The following ROBO2 variants were observed in gnomAD, a reference collection of about 807,000 sequenced individuals.
ROBO2 encodes the protein roundabout guidance receptor 2.
ROBO2 carries 53 observed loss-of-function variants against 160.8 expected under a neutral mutation model. The ratio of observed to expected loss-of-function variants is 0.33; its 90% CI spans 0.26 to 0.41. The LOEUF (loss-of-function observed/expected upper bound fraction) is 0.41, where lower values mean the gene tolerates loss of function less well. Among genes scored for constraint, ROBO2 ranks in the 10% least tolerant of loss-of-function variants. The pLI, the probability that ROBO2 is intolerant of heterozygous loss-of-function variation, is 1.00. For synonymous variants in ROBO2, 664 were observed against 611.7 expected, an observed-to-expected ratio of 1.09 and a Z score of -1.26; for missense variants, 1,577 against 1,722.4, an observed-to-expected ratio of 0.92 and a Z score of 1.49.
intron 2 of ROBO2, among the ~76,000 whole-genome samples, chr3:76,589,527 A>T (rs543778040): frequency 6.6e-6 from 1 of 152,154 alleles, no homozygotes; most frequent in Non-Finnish European, 1.5e-5. Flanking sequence ...ACTTCGGAGC[A>T]TTGTGTTGCA....
intron 2 of ROBO2, among the ~76,000 whole-genome samples, chr3:77,004,180 T>C (rs1000043583): frequency 6.6e-6 from 1 of 152,186 alleles, no homozygotes; most frequent in Non-Finnish European, 1.5e-5. Flanking sequence ...AACAGAAATA[T>C]TTTGTTGTCC....
At chr3:77,277,841 C>G (rs910708888) in intron 2 of ROBO2, among the ~76,000 whole-genome samples, 5 of 152,064 alleles carry the variant, frequency 3.3e-5, no homozygotes, top group African/African-American at 1.2e-4. Flanking sequence ...CCGGGTCAAA[C>G]AGGATTGTCT....
intron 2 of ROBO2, among the ~76,000 whole-genome samples, chr3:76,302,989 C>T (rs932393248): frequency 3.9e-5 from 6 of 151,970 alleles, no homozygotes; most frequent in Admixed American, 2.6e-4. Context: ...AATAAACATC[C>T]TGTTGGTATC....
chr3:77,124,480 T>C (rs1043157269), intron 2 of ROBO2, among the ~76,000 whole-genome samples: 23 of 152,112 alleles, frequency 1.5e-4, no homozygotes, highest in African/African-American at 5.6e-4. Flanking sequence ...CAGGCATAGA[T>C]ATTTCGAAGA....
chr3:76,547,784 A>C (rs2083194539), intron 2 of ROBO2, among the ~76,000 whole-genome samples: 1 of 152,084 alleles, frequency 6.6e-6, no homozygotes, highest in Non-Finnish European at 1.5e-5. Flanking sequence ...TTATTAGAAA[A>C]TCACGTTACT....
chr3:77,606,167 A>G (rs2094522338), intron 20 of ROBO2, among the ~76,000 whole-genome samples: 1 of 152,180 alleles, frequency 6.6e-6, no homozygotes, highest in African/African-American at 2.4e-5. Context: ...GAGTAAAGAA[A>G]GCTTTAGAAA....
At chr3:77,151,727 G>C (rs7612239) in intron 2 of ROBO2, among the ~76,000 whole-genome samples, 68,939 of 151,946 alleles carry the variant, frequency 0.45, 15,951 homozygotes, top group Middle Eastern at 0.58. Flanking sequence ...TTTCCATGCC[G>C]AGCTCAGCAA....
At chr3:76,457,424 G>A (rs1215912295) in intron 2 of ROBO2, among the ~76,000 whole-genome samples, 3 of 152,298 alleles carry the variant, frequency 2.0e-5, no homozygotes, top group South Asian at 2.1e-4. Context: ...TAATGCAAGA[G>A]GTGGGTTCCA....
At chr3:76,265,499 T>C (rs753251130) in intron 2 of ROBO2, among the ~76,000 whole-genome samples, 1 of 152,190 alleles carries the variant, frequency 6.6e-6, no homozygotes, top group East Asian at 1.9e-4. Context: ...GAAATAGTTA[T>C]AAATTCATAG....
At chr3:77,550,828 T>C in exon 8 of ROBO2, 1 of 1,612,892 alleles carries the variant, frequency 6.2e-7, no homozygotes. Flanking sequence ...AACCTACTTT[T>C]CCCAAACCAA....
At chr3:76,365,256 T>C (rs1389490058) in intron 2 of ROBO2, among the ~76,000 whole-genome samples, 1 of 152,058 alleles carries the variant, frequency 6.6e-6, no homozygotes, top group Non-Finnish European at 1.5e-5. Flanking sequence ...CCTTATTCTT[T>C]ATGGGCTTCA....
At chr3:76,243,620 A>T (rs1206499362) in intron 2 of ROBO2, among the ~76,000 whole-genome samples, 1 of 152,120 alleles carries the variant, frequency 6.6e-6, no homozygotes, top group Non-Finnish European at 1.5e-5. Flanking sequence ...CAACAGTAAA[A>T]ACCATGAGAA....
intron 2 of ROBO2, among the ~76,000 whole-genome samples, chr3:76,046,651 A>C (rs931556329): frequency 1.3e-5 from 2 of 151,918 alleles, no homozygotes; most frequent in African/African-American, 4.9e-5. Flanking sequence ...CCGTCTCAAA[A>C]AATAAAATAA....
intron 2 of ROBO2, among the ~76,000 whole-genome samples, chr3:76,776,375 T>C (rs144649952): frequency 2.1e-4 from 32 of 151,130 alleles, no homozygotes; most frequent in African/African-American, 7.2e-4. Context: ...ATGGGAACTA[T>C]TGTATGTATG....
At chr3:75,948,139 A>C (rs1948389866) in intron 2 of ROBO2, among the ~76,000 whole-genome samples, 1 of 152,094 alleles carries the variant, frequency 6.6e-6, no homozygotes, top group African/African-American at 2.4e-5. Flanking sequence ...AATGGGCTTA[A>C]GCATTAATGG....
At chr3:76,431,583 A>G (rs2076439143) in intron 2 of ROBO2, among the ~76,000 whole-genome samples, 2 of 152,130 alleles carry the variant, frequency 1.3e-5, no homozygotes, top group Non-Finnish European at 2.9e-5. Context: ...AAGTGTTCCC[A>G]AGATAATCTT....
intron 2 of ROBO2, among the ~76,000 whole-genome samples, chr3:76,449,723 A>G (rs1386588851): frequency 1.3e-5 from 2 of 152,160 alleles, no homozygotes; most frequent in Non-Finnish European, 2.9e-5. Context: ...GCATCAGTGA[A>G]ACTAAATTAG....
chr3:76,754,069 A>G (rs2060829644), intron 2 of ROBO2, among the ~76,000 whole-genome samples: 1 of 151,926 alleles, frequency 6.6e-6, no homozygotes, highest in Admixed American at 6.6e-5. Context: ...GAAAGACATT[A>G]GAGGCTGTAT....
chr3:76,708,622 A>G (rs1288272677), intron 2 of ROBO2, among the ~76,000 whole-genome samples: 2 of 152,222 alleles, frequency 1.3e-5, no homozygotes, highest in Non-Finnish European at 2.9e-5. Context: ...CAAAAAGCCT[A>G]TCATAGGTCA....
Sources: gnomAD v4.1 joint callset for allele counts (sites outside exome capture counted in the v4.1 genomes callset) on GRCh38, gnomAD v4.1.1 for gene constraint, MANE v1.5 for transcripts, NCBI Gene and HGNC (gene_info 2026-07-23, HGNC 2026-07-21) for gene names.